Variants in KIAA1217 observed in about 807,000 individuals in gnomAD.
KIAA1217 encodes the protein sickle tail protein homolog.
Under a neutral mutation model 163.9 loss-of-function variants are expected in KIAA1217, and 88 were observed. The observed-to-expected ratio is 0.54, with a 90% CI of 0.45 to 0.64. The LOEUF (loss-of-function observed/expected upper bound fraction) is 0.64, where lower values mean the gene tolerates loss of function less well. Ranked by LOEUF, KIAA1217 falls within the 30% of genes least tolerant of loss-of-function variation. The pLI, the probability that KIAA1217 is intolerant of heterozygous loss-of-function variation, is 0.00. For missense variants in KIAA1217, 2,372 were observed against 2,475.0 expected, an observed-to-expected ratio of 0.96 and a Z score of 0.88; for synonymous variants, 903 against 923.1, an observed-to-expected ratio of 0.98 and a Z score of 0.39.
intron 1 of KIAA1217, among the ~76,000 whole-genome samples, chr10:23,741,730 T>C (rs1839125985): frequency 6.6e-6 from 1 of 152,128 alleles, no homozygotes; most frequent in South Asian, 2.1e-4. Flanking sequence ...CTGCTTAAAT[T>C]TAGTGGGAGA....
chr10:23,738,623 T>C (rs533170625), intron 1 of KIAA1217, among the ~76,000 whole-genome samples: 2 of 152,266 alleles, frequency 1.3e-5, no homozygotes, highest in South Asian at 4.1e-4. Context: ...AATGTTTTTT[T>C]TTCTATTTCT....
intron 1 of KIAA1217, among the ~76,000 whole-genome samples, chr10:23,704,172 G>GTGTGTGTGTGTGTGTGTATATA (rs1229370789): frequency 7.5e-5 from 3 of 39,944 alleles, no homozygotes; most frequent in African/African-American, 4.0e-4. Context: ...GTGTGTGTGT[G>GTGTGTGTGTGTGTGTGTATATA]TATATATATA....
intron 2 of KIAA1217, among the ~76,000 whole-genome samples, chr10:24,030,758 T>A (rs1198546964): frequency 6.6e-5 from 10 of 152,180 alleles, no homozygotes; most frequent in African/African-American, 2.2e-4. Context: ...ATAAGTAGGA[T>A]CATAAAATAT....
intron 5 of KIAA1217, among the ~76,000 whole-genome samples, chr10:24,445,709 CT>C (rs1378078192): frequency 6.6e-6 from 1 of 151,914 alleles, no homozygotes; most frequent in Non-Finnish European, 1.5e-5. Context: ...AGGACATGAA[CT>C]CATCATTTTT....
chr10:23,919,667 T>C (rs1463006166), intron 1 of KIAA1217, among the ~76,000 whole-genome samples: 1 of 150,498 alleles, frequency 6.6e-6, no homozygotes, highest in Non-Finnish European at 1.5e-5. Flanking sequence ...CATTCATTCA[T>C]TCAACAATAT....
intron 2 of KIAA1217, among the ~76,000 whole-genome samples, chr10:24,151,508 G>A (rs1199184217): frequency 6.7e-6 from 1 of 148,552 alleles, no homozygotes; most frequent in Non-Finnish European, 1.5e-5. Flanking sequence ...GAGGAAGGAT[G>A]TTCCAGCCAC....
chr10:24,030,391 C>T (rs1401210420), intron 2 of KIAA1217, among the ~76,000 whole-genome samples: 6 of 151,958 alleles, frequency 3.9e-5, no homozygotes, highest in South Asian at 2.1e-4. Context: ...TTAAAAGTGA[C>T]GCTTCCCCCT....
At chr10:24,005,549 GAGTCTGCTACTCAC>G (rs1846956192) in intron 1 of KIAA1217, among the ~76,000 whole-genome samples, 1 of 152,154 alleles carries the variant, frequency 6.6e-6, no homozygotes, top group Non-Finnish European at 1.5e-5. Flanking sequence ...TTCAAATCCT[GAGTCTGCTACTCAC>G]CAGGAAAATA....
intron 2 of KIAA1217, among the ~76,000 whole-genome samples, chr10:24,031,780 TTTAAACA>T (rs1848196698): frequency 6.6e-6 from 1 of 152,216 alleles, no homozygotes; most frequent in East Asian, 1.9e-4. Context: ...AAAAGGAATC[TTTAAACA>T]CATTAAACTT....
intron 2 of KIAA1217, among the ~76,000 whole-genome samples, chr10:24,197,711 C>A (rs964986953): frequency 4.6e-5 from 7 of 152,128 alleles, no homozygotes; most frequent in African/African-American, 1.7e-4. Flanking sequence ...ATATTTTTTC[C>A]TGAATTACTG....
intron 5 of KIAA1217, chr10:24,466,934 C>T (rs2063014306): frequency 8.5e-6 from 2 of 234,046 alleles, no homozygotes; most frequent in Non-Finnish European, 1.4e-5. Flanking sequence ...ATACAACAAA[C>T]TGTACATAAT....
chr10:24,543,702 G>C lies in KIAA1217; in HGVS notation c.4432G>C (p.Glu1478Gln). ...DEELERMMME[E>Q]KIEEEEEEEN... ...GGAATTAGAGAGAATGATGATGGAG[G>C]AAAAGATAGAGGAGGAGGAAGAGGA... Residue 1478 changes from glutamate to glutamine, a missense_variant, in exon 19 of 21, where the codon GAA becomes CAA. Transcript: ENST00000376454. 6.2e-7 allele frequency: 1 copy of C among 1,613,860 alleles called. No individual in the cohort carries two copies. The highest frequency in any genetic ancestry group is 8.5e-7 in the Non-Finnish European group (1 of 1,179,794).
chr10:23,764,539 C>A (rs528726832), intron 1 of KIAA1217, among the ~76,000 whole-genome samples: 1 of 152,096 alleles, frequency 6.6e-6, no homozygotes, highest in Non-Finnish European at 1.5e-5. Flanking sequence ...AACATGGAAC[C>A]AACCCAAATG....
chr10:23,994,577 G>A lies in KIAA1217; in HGVS notation c.-320-12648G>A, dbSNP rs563725797. Among the ~76,000 whole-genome samples the A allele has an allele frequency of 2.6e-5, 4 of 152,294 alleles. No homozygotes were observed. The East Asian group carries it at 7.7e-4, about 29-fold the overall frequency. On this transcript the variant is annotated intron_variant, in intron 1 of 18. Transcript: ENST00000376462. ...CTCAGCAGCCTTTTTTGAAGGTGTC[G>A]CTGTGGAAGCCAAGATCATGTCTGG...
intron 1 of KIAA1217, among the ~76,000 whole-genome samples, chr10:24,005,927 T>C (rs1282261733): frequency 2.6e-5 from 4 of 152,156 alleles, no homozygotes; most frequent in Admixed American, 6.5e-5. Context: ...CCCTATCCTC[T>C]ACTCATCAAG....
intron 1 of KIAA1217, among the ~76,000 whole-genome samples, chr10:23,935,661 G>T (rs573998301): frequency 6.6e-6 from 1 of 151,860 alleles, no homozygotes; most frequent in South Asian, 2.1e-4. Flanking sequence ...ACAAATAAAA[G>T]GTACACAGAA....
At chr10:24,520,376 C>A in intron 11 of KIAA1217, 123 bp downstream of exon 11, 2 of 1,362,372 alleles carry the variant, frequency 1.5e-6, no homozygotes, top group South Asian at 1.3e-5. Flanking sequence ...ATGTGCCAGG[C>A]ATTGTTCTGG....
At chr10:23,947,728 T>C (rs2131347954) in intron 1 of KIAA1217, among the ~76,000 whole-genome samples, 2 of 152,318 alleles carry the variant, frequency 1.3e-5, no homozygotes, top group East Asian at 3.9e-4. Context: ...GAGACACAGA[T>C]GGGAACCCAA....
intron 1 of KIAA1217, among the ~76,000 whole-genome samples, chr10:23,941,467 T>C (rs34419071): frequency 0.2 from 30,457 of 152,128 alleles, 3,309 homozygotes; most frequent in Middle Eastern, 0.27. Context: ...TGAATCGGAC[T>C]AACATTTATT....
Sources: allele counts gnomAD v4.1 joint callset (sites outside exome capture counted in the v4.1 genomes callset), GRCh38; gene constraint gnomAD v4.1.1; transcripts MANE v1.5; gene names NCBI Gene and HGNC (gene_info 2026-07-23, HGNC 2026-07-21).